The following PDE4D variants were observed in gnomAD, a reference collection of about 807,000 sequenced individuals.
PDE4D encodes the protein 3',5'-cyclic-AMP phosphodiesterase 4D.
In PDE4D, 24 loss-of-function variants were observed where a neutral mutation model predicts 87.4. The observed-to-expected ratio is 0.27, with a 90% CI of 0.20 to 0.39. The LOEUF (loss-of-function observed/expected upper bound fraction) is 0.39, where lower values mean the gene tolerates loss of function less well. PDE4D is among the 10% of genes least tolerant of loss of function. PDE4D has a pLI of 1.00. For missense variants in PDE4D, 714 were observed against 1,041.0 expected, an observed-to-expected ratio of 0.69 and a Z score of 4.32; for synonymous variants, 384 against 383.2, an observed-to-expected ratio of 1.00 and a Z score of -0.02.
At chr5:60,335,838 G>C (rs992331408) in intron 1 of PDE4D, among the ~76,000 whole-genome samples, 1 of 152,196 alleles carries the variant, frequency 6.6e-6, no homozygotes, top group Non-Finnish European at 1.5e-5. Flanking sequence ...CATGGCTAAA[G>C]TTTGGTAAGT....
At chr5:59,043,776 A>G (rs987445522) in intron 5 of PDE4D, among the ~76,000 whole-genome samples, 15 of 151,706 alleles carry the variant, frequency 9.9e-5, no homozygotes, top group South Asian at 2.1e-4. Flanking sequence ...GCATTGTTCA[A>G]TTCCCACCTA....
chr5:59,906,269 TG>T (rs1752801387), intron 3 of PDE4D, among the ~76,000 whole-genome samples: 1 of 152,172 alleles, frequency 6.6e-6, no homozygotes, highest in Non-Finnish European at 1.5e-5. Flanking sequence ...AGATACAGTG[TG>T]GGTCAGGTTC....
chr5:60,214,811 T>C lies in PDE4D; in HGVS notation c.-89-29124A>G, dbSNP rs1743662041. Among the ~76,000 whole-genome samples the C allele has an allele frequency of 2.6e-5, 4 of 152,140 alleles. No individual in the cohort carries two copies. In the South Asian group the frequency reaches 6.2e-4, roughly 24 times the overall value. ...TAAAAGGAGACATTTAAACCTAAAGTGTTCAAGGAAGAAAGAAAGCTTCTA... is the reference window on the plus strand; with the variant it reads ...TAAAAGGAGACATTTAAACCTAAAGCGTTCAAGGAAGAAAGAAAGCTTCTA... On this transcript the variant is annotated intron_variant, in intron 1 of 16. Coordinates refer to the PDE4D transcript ENST00000502484.
chr5:59,456,420 A>G (rs1446969882), intron 1 of PDE4D, among the ~76,000 whole-genome samples: 2 of 152,166 alleles, frequency 1.3e-5, no homozygotes, highest in African/African-American at 2.4e-5. Flanking sequence ...GCCCTCCGCC[A>G]TGACTGTGAG....
At chr5:60,063,681 G>A (rs1042419800) in intron 2 of PDE4D, among the ~76,000 whole-genome samples, 5 of 152,072 alleles carry the variant, frequency 3.3e-5, no homozygotes, top group African/African-American at 1.2e-4. Context: ...TTAGCACAAA[G>A]TCTAAAATAT....
At chr5:59,261,830 A>G (rs1762053879) in intron 1 of PDE4D, among the ~76,000 whole-genome samples, 1 of 151,882 alleles carries the variant, frequency 6.6e-6, no homozygotes, top group Non-Finnish European at 1.5e-5. Context: ...GAGGTGATTA[A>G]GTAAACAATT....
chr5:59,579,728 G>T (rs1823766254), intron 1 of PDE4D, among the ~76,000 whole-genome samples: 1 of 152,172 alleles, frequency 6.6e-6, no homozygotes, highest in Admixed American at 6.6e-5. Flanking sequence ...TGTGTACCCA[G>T]TGGGAAGAGT....
intron 3 of PDE4D, among the ~76,000 whole-genome samples, chr5:59,929,384 C>G (rs938611910): frequency 1.3e-5 from 2 of 152,020 alleles, no homozygotes; most frequent in Non-Finnish European, 2.9e-5. Context: ...TTAAAAAAAC[C>G]AATTTCTCTG....
intron 1 of PDE4D, among the ~76,000 whole-genome samples, chr5:59,798,254 C>CTGTGTGTGTGTGTGTG (rs72009917): frequency 7.0e-6 from 1 of 143,848 alleles, no homozygotes; most frequent in Non-Finnish European, 1.5e-5. Context: ...ATATAAATGC[C>CTGTGTGTGTGTGTGTG]TGTGTGTGTG....
At chr5:59,230,901 T>G (rs1755034454) in intron 1 of PDE4D, among the ~76,000 whole-genome samples, 1 of 152,138 alleles carries the variant, frequency 6.6e-6, no homozygotes, top group South Asian at 2.1e-4. Context: ...TCAATCTTAC[T>G]GGGCAAAGCA....
At chr5:59,097,574 T>C (rs950983691) in intron 5 of PDE4D, among the ~76,000 whole-genome samples, 1 of 152,122 alleles carries the variant, frequency 6.6e-6, no homozygotes. Flanking sequence ...GAAGCAAAAC[T>C]GAAAAAAGAA....
chr5:59,153,288 C>G (rs370348312), intron 5 of PDE4D, among the ~76,000 whole-genome samples: 18 of 152,136 alleles, frequency 1.2e-4, no homozygotes, highest in Non-Finnish European at 2.5e-4. Context: ...AAATGCTACT[C>G]GGACACACCA....
intron 5 of PDE4D, chr5:59,063,185 G>A (rs1763405040): frequency 6.6e-6 from 1 of 152,138 alleles, no homozygotes. Flanking sequence ...CTGAAAACTT[G>A]GCCAAAGGCG....
chr5:59,677,897 T>C (rs1189351365), intron 1 of PDE4D, among the ~76,000 whole-genome samples: 3 of 152,210 alleles, frequency 2.0e-5, no homozygotes, highest in Non-Finnish European at 4.4e-5. Flanking sequence ...CATATACTTC[T>C]CTGTAAGTTT....
At chr5:59,625,878 A>G (rs1404162199) in intron 1 of PDE4D, among the ~76,000 whole-genome samples, 1 of 152,186 alleles carries the variant, frequency 6.6e-6, no homozygotes, top group Non-Finnish European at 1.5e-5. Flanking sequence ...CAGGAGATTG[A>G]GACCATCCTA....
chr5:59,081,384 A>G (rs1766725740), intron 5 of PDE4D, among the ~76,000 whole-genome samples: 1 of 152,062 alleles, frequency 6.6e-6, no homozygotes, highest in African/African-American at 2.4e-5. Context: ...TGCTTTCTAT[A>G]ATTATATATG....
chr5:60,108,299 C>T (rs1412381609), intron 2 of PDE4D, among the ~76,000 whole-genome samples: 1 of 151,486 alleles, frequency 6.6e-6, no homozygotes, highest in Non-Finnish European at 1.5e-5. Flanking sequence ...ATCCAACTTA[C>T]AAGGGATGTG....
intron 5 of PDE4D, among the ~76,000 whole-genome samples, chr5:59,110,911 A>C (rs942506846): frequency 6.6e-6 from 1 of 152,164 alleles, no homozygotes; most frequent in African/African-American, 2.4e-5. Context: ...AGGAAGCACA[A>C]GGTCTCACAG....
intron 5 of PDE4D, among the ~76,000 whole-genome samples, chr5:59,118,860 T>C (rs1247148589): frequency 1.3e-5 from 2 of 151,902 alleles, no homozygotes; most frequent in Admixed American, 6.6e-5. Flanking sequence ...ACCACACAAA[T>C]AAAACTTAGG....
Sources: gnomAD v4.1 joint callset for allele counts (sites outside exome capture counted in the v4.1 genomes callset) on GRCh38, gnomAD v4.1.1 for gene constraint, MANE v1.5 for transcripts, NCBI Gene and HGNC (gene_info 2026-07-23, HGNC 2026-07-21) for gene names.